TFAP2E: variants seen among roughly 807,000 people sequenced by gnomAD.
TFAP2E encodes the protein transcription factor AP-2 epsilon, also known as transcription factor AP-2-epsilon.
A neutral mutation model predicts 37.9 loss-of-function variants in TFAP2E; 30 were observed. The observed-to-expected ratio is 0.79, with a 90% CI of 0.59 to 1.07. The LOEUF is 1.07. Among genes scored for constraint, TFAP2E ranks in the 50% least tolerant of loss-of-function variants. TFAP2E has a pLI of 0.00. For missense variants in TFAP2E, 567 were observed against 637.9 expected, an observed-to-expected ratio of 0.89 and a Z score of 1.20; for synonymous variants, 318 against 295.8, an observed-to-expected ratio of 1.08 and a Z score of -0.77.
intron 3 of TFAP2E, 103 bp downstream of exon 3, chr1:35,575,103 T>TTG: frequency 3.4e-6 from 5 of 1,454,312 alleles, no homozygotes; most frequent in Non-Finnish European, 4.8e-6. Flanking sequence ...GTCGCCAGGC[T>TTG]GGGTGTCCAC....
chr1:35,577,286 C>T lies in TFAP2E; in HGVS notation c.562+2286C>T, dbSNP rs1324820490. On this transcript the variant is annotated intron_variant, in intron 3 of 6. Coordinates refer to ENST00000373235, the MANE Select transcript of TFAP2E (RefSeq NM_178548.4). The surrounding 1 kb of genome is among the most constrained non-coding windows in gnomAD (Gnocchi z 6.3). ...TCCTTGCTCCCTGGAGCCGCCCCTC[C>T]CCACACCTGCCCTCGGCGCCCCCAG... 3 of 438,758 alleles carry T rather than the reference C, an allele frequency of 6.8e-6. No individual in the cohort carries two copies. The highest frequency in any genetic ancestry group is 6.0e-5 in the African/African-American group (3 of 49,876). The allele number at this position is 438,758 out of a possible 1,614,324, so 27.2% of individuals were successfully genotyped here.
rs1649070418 is a variant in TFAP2E at position 35,573,538 on chromosome 1, T to G, written c.-40T>G. ...GCAGCGCTCGCCGTCGGGCTAGGGCTCCGCCGCCGCCACGCCTCGCGCCCG... is the reference window on the plus strand; with the variant it reads ...GCAGCGCTCGCCGTCGGGCTAGGGCGCCGCCGCCGCCACGCCTCGCGCCCG... On this transcript the variant is annotated 5_prime_UTR_variant, in exon 1 of 7. Transcript: ENST00000373235. The surrounding 1 kb of genome is among the most constrained non-coding windows in gnomAD (Gnocchi z 5.9). 6.6e-7 allele frequency: 1 copy of G among 1,510,672 alleles called. No homozygotes were observed. Among genetic ancestry groups the G allele is most frequent in the Non-Finnish European group, 8.8e-7 (1 of 1,130,614 alleles). 93.6% of individuals were successfully genotyped at this position (1,510,672 alleles called of 1,614,324 possible).
chr1:35,577,276 G>C lies in TFAP2E; in HGVS notation c.562+2276G>C, dbSNP rs2148546104. 2.3e-6 allele frequency: 1 copy of C among 426,276 alleles called. No homozygotes were observed. The highest frequency in any genetic ancestry group is 4.8e-6 in the Non-Finnish European group (1 of 209,738). 26.4% of individuals were successfully genotyped at this position (426,276 alleles called of 1,614,324 possible). ...GCAGGTGGGCTCCTTGCTCCCTGGA[G>C]CCGCCCCTCCCCACACCTGCCCTCG... On this transcript the variant is annotated intron_variant, in intron 3 of 6. Coordinates refer to ENST00000373235, the MANE Select transcript of TFAP2E (RefSeq NM_178548.4). The surrounding 1 kb of genome is among the most constrained non-coding windows in gnomAD (Gnocchi z 6.3).
chr1:35,574,763 A>G (rs958360260), intron 2 of TFAP2E, 186 bp from the exon 3 acceptor site: 2 of 760,460 alleles, frequency 2.6e-6, no homozygotes, highest in South Asian at 1.7e-5. Context: ...TGCACTGCAC[A>G]GTGAGATGCC....
rs557939710 is a variant in TFAP2E, at chr1:35,588,713, C to T, written c.785+161C>T. On this transcript the variant is annotated intron_variant, in intron 4 of 6. Coordinates refer to ENST00000373235, the MANE Select transcript of TFAP2E (RefSeq NM_178548.4). This position sits in a 1 kb window ranked among gnomAD's most constrained non-coding sequence, Gnocchi z 5.1. ...TCTGGATTGTGCATGTTGTGGGGGCCGGCCCAGGTCCCTGGTGGCTGCCAC... is the reference window on the plus strand; with the variant it reads ...TCTGGATTGTGCATGTTGTGGGGGCTGGCCCAGGTCCCTGGTGGCTGCCAC... Among the ~76,000 whole-genome samples, 2 of 152,228 alleles carry T rather than the reference C, an allele frequency of 1.3e-5. No individual in the cohort carries two copies. The highest frequency in any genetic ancestry group is 2.1e-4 in the South Asian group (1 of 4,828).
rs774890111 is a variant in TFAP2E at position 35,574,256 on chromosome 1, G to A, written c.357G>A (p.Pro119=). Residue 119 remains proline, a synonymous_variant, in exon 2 of 7, where the codon CCG becomes CCA. Transcript: ENST00000373235. The part of the protein sequence containing the change: ...AHEEPPGLLA[P]PARALGLDPR... Reference sequence around the variant, plus strand: ...AGGAGCCTCCCGGCCTGCTGGCACCGCCCGCCCGCGCCCTGGGCCTTGACC... The same window carrying A: ...AGGAGCCTCCCGGCCTGCTGGCACCACCCGCCCGCGCCCTGGGCCTTGACC... 1.1e-5 allele frequency: 14 copies of A among 1,322,510 alleles called. No homozygotes were observed. The highest frequency in any genetic ancestry group is 1.6e-5 in the African/African-American group (1 of 63,024). The allele number at this position is 1,322,510 out of a possible 1,614,324, so 81.9% of individuals were successfully genotyped here.
In TFAP2E at chr1:35,573,367, T is replaced by TC. The variant is rs1378317887; in HGVS notation, c.-210dup. ...CGTTGACCGACTTTTCCAAGTGCGA[T>TC]CAGTGCCCGTCCGTCCTGCCTCCAT... On this transcript the variant is annotated 5_prime_UTR_variant, in exon 1 of 7. Coordinates refer to ENST00000373235, the MANE Select transcript of TFAP2E (RefSeq NM_178548.4). This position sits in a 1 kb window ranked among gnomAD's most constrained non-coding sequence, Gnocchi z 5.9. 2.0e-6 allele frequency: 1 copy of TC among 508,338 alleles called. No individual in the cohort carries two copies. The highest frequency in any genetic ancestry group is 3.2e-6 in the Non-Finnish European group (1 of 308,122). 31.5% of individuals were successfully genotyped at this position (508,338 alleles called of 1,614,324 possible). A position where few individuals can be genotyped will look rare whatever the true frequency, so the allele number is the denominator to read the frequency against.
chr1:35,588,504 C>CGCCT lies in TFAP2E; in HGVS notation c.738_741dup (p.Pro248AlafsTer70). The CGCCT allele has an allele frequency of 6.2e-7, 1 of 1,606,342 alleles. No individual in the cohort carries two copies. The highest frequency in any genetic ancestry group is 8.5e-7 in the Non-Finnish European group (1 of 1,177,420). Reference sequence around the variant, plus strand: ...GTGGGGGAGGTGCAGCGGCGACTCTCGCCTCCCGAGTGCCTCAACGCCTCC... The same window carrying CGCCT: ...GTGGGGGAGGTGCAGCGGCGACTCTCGCCTGCCTCCCGAGTGCCTCAACGCCTCC... On this transcript the variant is annotated frameshift_variant, in exon 4 of 7. Coordinates refer to ENST00000373235, the MANE Select transcript of TFAP2E (RefSeq NM_178548.4). LOFTEE classifies it high-confidence loss of function. This position sits in a 1 kb window ranked among gnomAD's most constrained non-coding sequence, Gnocchi z 5.1.
chr1:35,574,676 G>C, intron 2 of TFAP2E: 9 of 651,064 alleles, frequency 1.4e-5, no homozygotes, highest in South Asian at 8.2e-5. Context: ...TGCCACGTGT[G>C]GCATCCATGG....
chr1:35,580,557 G>A (rs1271872276), intron 3 of TFAP2E, among the ~76,000 whole-genome samples: 3 of 152,072 alleles, frequency 2.0e-5, no homozygotes, highest in South Asian at 2.1e-4. Flanking sequence ...TCAGGAGATC[G>A]AGACCATCCT....
At chr1:35,574,553 C>A (rs74543439) in intron 2 of TFAP2E, 144 bp downstream of exon 2, 21,904 of 1,321,808 alleles carry the variant, frequency 0.017, 698 homozygotes, top group African/African-American at 0.13. Context: ...ATGTGTCCCA[C>A]CTCCTGGGTT....
chr1:35,582,408 C>A (rs770411967), intron 3 of TFAP2E, among the ~76,000 whole-genome samples: 7 of 151,576 alleles, frequency 4.6e-5, no homozygotes, highest in Non-Finnish European at 2.9e-5. Context: ...AGTCCTTTAT[C>A]AGATATATGA....
rs1332309592 is a variant in TFAP2E, at chr1:35,577,530, C to G, written c.562+2530C>G. The G allele has an allele frequency of 1.6e-5, 7 of 450,598 alleles. No individual in the cohort carries two copies. Among genetic ancestry groups the G allele is most frequent in the Non-Finnish European group, 3.1e-5 (7 of 222,894 alleles). The allele number at this position is 450,598 out of a possible 1,614,324, so 27.9% of individuals were successfully genotyped here. On this transcript the variant is annotated intron_variant, in intron 3 of 6. Coordinates refer to ENST00000373235, the MANE Select transcript of TFAP2E (RefSeq NM_178548.4). The surrounding 1 kb of genome is among the most constrained non-coding windows in gnomAD (Gnocchi z 6.3). ...AAAGTCGCTCTTTGGCCACCTGAAG[C>G]GTCGGATCCCTACAGTGCCTCCCAG...
Position 35,590,923 on chromosome 1 carries a change from CACAT to C in TFAP2E, c.1046+151_1046+154del, listed in dbSNP as rs937924631. On this transcript the variant is annotated intron_variant, in intron 6 of 6. Transcript: ENST00000373235. This position sits in a 1 kb window ranked among gnomAD's most constrained non-coding sequence, Gnocchi z 6.2. ...TGTGTACACGAGCAGTGGGCACACA[CACAT>C]ACGTGCGCACCACTGTGTACATCAG... 8 of 931,630 alleles carry C rather than the reference CACAT, an allele frequency of 8.6e-6. No individual in the cohort carries two copies. The Admixed American group carries it at 1.6e-4, about 18-fold the overall frequency. The allele number at this position is 931,630 out of a possible 1,614,324, so 57.7% of individuals were successfully genotyped here.
At chr1:35,589,309 G>A (rs941547190) in intron 4 of TFAP2E, among the ~76,000 whole-genome samples, 16 of 150,712 alleles carry the variant, frequency 1.1e-4, no homozygotes, top group African/African-American at 3.7e-4. Flanking sequence ...TGGCATGTGT[G>A]CAGTCATAGG....
Position 35,589,973 on chromosome 1 carries a change from GAGA to G in TFAP2E, c.833_835del (p.Lys278del). The G allele has an allele frequency of 6.2e-7, 1 of 1,614,154 alleles. No individual in the cohort carries two copies. Among genetic ancestry groups the G allele is most frequent in the Middle Eastern group, 1.7e-4 (1 of 6,060 alleles). ...GGGCCGGTGTTTGCGGGAACGGTTA[GAGA>G]AGATTGGGCTCAACCTGCCAGCTGG... is the stretch of plus-strand genomic sequence containing the variant. On this transcript the variant is annotated inframe_deletion, in exon 5 of 7. Coordinates refer to ENST00000373235, the MANE Select transcript of TFAP2E (RefSeq NM_178548.4).
In TFAP2E at chr1:35,573,931, G is replaced by T; in HGVS notation, c.32G>T (p.Arg11Leu). MLVHTYSAMERPDGLGAAAGG... is the reference protein window; with the variant it reads MLVHTYSAMELPDGLGAAAGG... ...GGCACCCCTCTCCTTCCCCAGGAGCGCCCCGACGGGCTGGGAGCAGCTGCC... is the reference window on the plus strand; with the variant it reads ...GGCACCCCTCTCCTTCCCCAGGAGCTCCCCGACGGGCTGGGAGCAGCTGCC... The change falls in exon 2 of 7, where the codon CGC becomes CTC. Residue 11 changes from arginine to leucine, a missense_variant. Coordinates refer to ENST00000373235, the MANE Select transcript of TFAP2E (RefSeq NM_178548.4). This position sits in a 1 kb window ranked among gnomAD's most constrained non-coding sequence, Gnocchi z 5.9. The T allele has an allele frequency of 4.1e-6, 6 of 1,454,068 alleles. No homozygotes were observed. The highest frequency in any genetic ancestry group is 5.4e-6 in the Non-Finnish European group (6 of 1,119,604). The allele number at this position is 1,454,068 out of a possible 1,614,324, so 90.1% of individuals were successfully genotyped here.
chr1:35,590,530 G>T lies in TFAP2E; in HGVS notation c.905-104G>T, dbSNP rs906185500. The stretch of plus-strand genomic sequence containing the variant: ...GAACATCAGAGGGGGCATCTACACA[G>T]GCAGGATGGGGCAGGATACCCCTGA... On this transcript the variant is annotated intron_variant, in intron 5 of 6. Coordinates refer to ENST00000373235, the MANE Select transcript of TFAP2E (RefSeq NM_178548.4). This position sits in a 1 kb window ranked among gnomAD's most constrained non-coding sequence, Gnocchi z 6.2. 4.5e-6 allele frequency: 6 copies of T among 1,331,472 alleles called. No homozygotes were observed. The highest frequency in any genetic ancestry group is 5.7e-4 in the Middle Eastern group (2 of 3,500). 82.5% of individuals were successfully genotyped at this position (1,331,472 alleles called of 1,614,324 possible).
chr1:35,579,725 G>C (rs149405268), intron 3 of TFAP2E, among the ~76,000 whole-genome samples: 1 of 152,056 alleles, frequency 6.6e-6, no homozygotes, highest in Non-Finnish European at 1.5e-5. Context: ...AAAAATCCAC[G>C]ATAAACAAAA....
Sources: allele counts gnomAD v4.1 joint callset (sites outside exome capture counted in the v4.1 genomes callset), GRCh38; gene constraint gnomAD v4.1.1; non-coding constraint Gnocchi (gnomAD v3.1); transcripts MANE v1.5; gene names NCBI Gene and HGNC (gene_info 2026-07-23, HGNC 2026-07-21).